The following DYRK3 variants were observed in gnomAD, a reference collection of about 807,000 sequenced individuals.
DYRK3 encodes the protein dual specificity tyrosine phosphorylation regulated kinase 3, also known as dual specificity tyrosine-phosphorylation-regulated kinase 3.
DYRK3 carries 30 observed loss-of-function variants against 40.8 expected under a neutral mutation model. The ratio of observed to expected loss-of-function variants is 0.74; its 90% CI spans 0.55 to 1.00. DYRK3 has a LOEUF of 1.00. Ranked by LOEUF, DYRK3 falls within the 50% of genes least tolerant of loss-of-function variation. DYRK3 has a pLI of 0.00. For missense variants in DYRK3, 699 were observed against 731.5 expected, an observed-to-expected ratio of 0.96 and a Z score of 0.51; for synonymous variants, 272 against 260.7, an observed-to-expected ratio of 1.04 and a Z score of -0.42.
intron 2 of DYRK3, among the ~76,000 whole-genome samples, chr1:206,639,465 ATTTTT>A (rs11400833): frequency 8.4e-6 from 1 of 118,538 alleles, no homozygotes; most frequent in African/African-American, 3.3e-5. Flanking sequence ...ATTTTAACTG[ATTTTT>A]TTTTTTTTTT....
At chr1:206,647,239 A>C (rs1397760492) in intron 2 of DYRK3, 149 bp from the exon 3 acceptor site, 1 of 784,668 alleles carries the variant, frequency 1.3e-6, no homozygotes, top group Non-Finnish European at 2.0e-6. Context: ...GTTGCTAGAG[A>C]CTCTTGCTTT....
At position 206,649,099 on chromosome 1, in the gene DYRK3, T is replaced by G; in HGVS notation, c.*134T>G. On this transcript the variant is annotated 3_prime_UTR_variant, in exon 3 of 3. Coordinates refer to ENST00000367109, the MANE Select transcript of DYRK3 (RefSeq NM_003582.4). ...TTTTTTTAAACAAGACAAAACATTT[T>G]TATATGATTATAAAAGAATTCTTCA... is the stretch of plus-strand genomic sequence containing the variant. 2 of 930,126 alleles carry G rather than the reference T, an allele frequency of 2.2e-6. No homozygotes were observed. Among genetic ancestry groups the G allele is most frequent in the Non-Finnish European group, 3.1e-6 (2 of 643,374 alleles). 57.6% of individuals were successfully genotyped at this position (930,126 alleles called of 1,614,324 possible). A position where few individuals can be genotyped will look rare whatever the true frequency, so the allele number is the denominator to read the frequency against.
chr1:206,635,808 G>C (rs1671087167), intron 1 of DYRK3, 28 bp downstream of exon 1: 1 of 1,244,548 alleles, frequency 8.0e-7, no homozygotes, highest in South Asian at 3.8e-5. Context: ...TAACGGGCTG[G>C]AGGCGCCACA....
At position 206,652,993 on chromosome 1, in the gene DYRK3, A is replaced by G. The variant is rs1172659083; in HGVS notation, c.*4028A>G. On this transcript the variant is annotated 3_prime_UTR_variant, in exon 3 of 3. Coordinates refer to ENST00000367109, the MANE Select transcript of DYRK3 (RefSeq NM_003582.4). ...CGGTGAGAGTTGGGTTAGAATTTTTATTTCATTCCCCAAGTCATTTTTTCT... is the reference window on the plus strand; with the variant it reads ...CGGTGAGAGTTGGGTTAGAATTTTTGTTTCATTCCCCAAGTCATTTTTTCT... Among the ~76,000 whole-genome samples the G allele has an allele frequency of 3.9e-5, 6 of 152,152 alleles. No homozygotes were observed. Among genetic ancestry groups the G allele is most frequent in the Non-Finnish European group, 8.8e-5 (6 of 67,982 alleles).
rs1012330025 is a variant in DYRK3, at chr1:206,653,372, T to C, written c.*4407T>C. On this transcript the variant is annotated 3_prime_UTR_variant, in exon 3 of 3. Coordinates refer to ENST00000367109, the MANE Select transcript of DYRK3 (RefSeq NM_003582.4). ...CTAATCCACCTAATACCTGCTCATCTTCTAGTATTCTATCCTACCATCTAC... is the reference window on the plus strand; with the variant it reads ...CTAATCCACCTAATACCTGCTCATCCTCTAGTATTCTATCCTACCATCTAC... 6.6e-6 allele frequency among the ~76,000 whole-genome samples: 1 copy of C among 152,214 alleles called. No individual in the cohort carries two copies. The highest frequency in any genetic ancestry group is 1.5e-5 in the Non-Finnish European group (1 of 68,038).
rs1671079534 is a variant in DYRK3, at chr1:206,635,707, G to T, written c.4G>T (p.Gly2Ter). 2 of 1,247,250 alleles carry T rather than the reference G, an allele frequency of 1.6e-6. No homozygotes were observed. Among genetic ancestry groups the T allele is most frequent in the African/African-American group, 3.1e-5 (2 of 64,462 alleles). 77.3% of individuals were successfully genotyped at this position (1,247,250 alleles called of 1,614,324 possible). ...GCGCGGGGTCCCGAGCTAGGAGATG[G>T]GAGGCACAGCTCGTGGGCCTGGGCG... is the stretch of plus-strand genomic sequence containing the variant. M[G>*]GTARGPGRKD... Residue 2 changes from glycine to a stop codon, truncating the protein, a stop_gained, in exon 1 of 3, where the codon GGA becomes TGA. Transcript: ENST00000367109. LOFTEE classifies it high-confidence loss of function.
chr1:206,647,745 G>C lies in DYRK3; in HGVS notation c.547G>C (p.Gly183Arg), dbSNP rs1402356180. The C allele has an allele frequency of 8.7e-6, 14 of 1,613,960 alleles. No homozygotes were observed. Among genetic ancestry groups the C allele is most frequent in the Non-Finnish European group, 1.2e-5 (14 of 1,180,018 alleles). ...PNAKKRHGVI[G>R]GPNNGGYDDA... ...TGCCAAGAAAAGACATGGAGTTATT[G>C]GTGGTCCCAATAATGGAGGGTATGA... Residue 183 changes from glycine to arginine, a missense_variant, in exon 3 of 3, where the codon GGT becomes CGT. By Grantham distance (125) the Gly-to-Arg change is moderately radical (BLOSUM62 -2). Coordinates refer to ENST00000367109, the MANE Select transcript of DYRK3 (RefSeq NM_003582.4).
At position 206,648,291 on chromosome 1, in the gene DYRK3, A is replaced by G; in HGVS notation, c.1093A>G (p.Lys365Glu). 6.2e-7 allele frequency: 1 copy of G among 1,612,702 alleles called. No individual in the cohort carries two copies. The highest frequency in any genetic ancestry group is 1.1e-5 in the South Asian group (1 of 90,996). Residue 365 changes from lysine (K) to glutamate (E), a missense_variant, in exon 3 of 3, where the codon AAG becomes GAG. Transcript: ENST00000367109. Reference protein sequence around the residue: ...DFGSSCFEYQKLYTYIQSRFY... With the variant: ...DFGSSCFEYQELYTYIQSRFY... ...TGGGTCCAGCTGTTTCGAGTACCAG[A>G]AGCTCTACACATATATCCAGTCTCG...
chr1:206,650,031 T>C lies in DYRK3; in HGVS notation c.*1066T>C, dbSNP rs181956276. On this transcript the variant is annotated 3_prime_UTR_variant, in exon 3 of 3. Transcript: ENST00000367109. The stretch of plus-strand genomic sequence containing the variant: ...CTAAAAATCCAGAAACTGGTGATAA[T>C]CAAGTTTTCCCTTTTTATGTTTCTT... Among the ~76,000 whole-genome samples the C allele has an allele frequency of 1.3e-4, 20 of 152,366 alleles. No homozygotes were observed. In the East Asian group the frequency reaches 3.9e-3, roughly 29 times the overall value.
chr1:206,646,925 C>T (rs1671470956), intron 2 of DYRK3, among the ~76,000 whole-genome samples: 1 of 152,182 alleles, frequency 6.6e-6, no homozygotes, highest in Non-Finnish European at 1.5e-5. Flanking sequence ...ATATATTATA[C>T]ATAATCAAGT....
Position 206,653,395 on chromosome 1 carries a change from T to C in DYRK3, c.*4430T>C, listed in dbSNP as rs1283691845. On this transcript the variant is annotated 3_prime_UTR_variant, in exon 3 of 3. Coordinates refer to ENST00000367109, the MANE Select transcript of DYRK3 (RefSeq NM_003582.4). Reference sequence around the variant, plus strand: ...TCTTCTAGTATTCTATCCTACCATCTACCCTCAGAGTTATTGATGTACTCT... The same window carrying C: ...TCTTCTAGTATTCTATCCTACCATCCACCCTCAGAGTTATTGATGTACTCT... Among the ~76,000 whole-genome samples, 6 of 152,218 alleles carry C rather than the reference T, an allele frequency of 3.9e-5. No homozygotes were observed. Among genetic ancestry groups the C allele is most frequent in the African/African-American group, 7.2e-5 (3 of 41,444 alleles).
Position 206,647,929 on chromosome 1 carries a change from A to G in DYRK3, c.731A>G (p.Lys244Arg). The change falls in exon 3 of 3, where the codon AAG becomes AGG. Residue 244 changes from lysine to arginine, a missense_variant. Physicochemically the swap from Lys to Arg is conservative, Grantham distance 26. Coordinates refer to ENST00000367109, the MANE Select transcript of DYRK3 (RefSeq NM_003582.4). ...GCCCTAAAAATGGTGCGCAATGAGAAGCGCTTTCATCGTCAAGCAGCTGAG... is the reference window on the plus strand; with the variant it reads ...GCCCTAAAAATGGTGCGCAATGAGAGGCGCTTTCATCGTCAAGCAGCTGAG... Reference protein sequence around the residue: ...YVALKMVRNEKRFHRQAAEEI... With the variant: ...YVALKMVRNERRFHRQAAEEI... 2 of 1,614,056 alleles carry G rather than the reference A, an allele frequency of 1.2e-6. No individual in the cohort carries two copies. The highest frequency in any genetic ancestry group is 1.7e-6 in the Non-Finnish European group (2 of 1,180,014).
chr1:206,647,790 A>T lies in DYRK3; in HGVS notation c.592A>T (p.Ile198Phe). ...GTATGATGATGCAGATGGGGCCTAT[A>T]TTCATGTACCTCGAGACCATCTAGC... is the stretch of plus-strand genomic sequence containing the variant. ...GGYDDADGAY[I>F]HVPRDHLAYR... is the part of the protein sequence containing the mutation. The change falls in exon 3 of 3, where the codon ATT becomes TTT. Residue 198 changes from isoleucine to phenylalanine, a missense_variant. Ile to Phe is a conservative substitution (Grantham distance 21). Transcript: ENST00000367109. The T allele has an allele frequency of 1.2e-6, 2 of 1,614,174 alleles. No homozygotes were observed.
chr1:206,644,030 G>GGTTTTTTTTTTTTTTTT (rs1558557214), intron 2 of DYRK3, among the ~76,000 whole-genome samples: 1 of 88,072 alleles, frequency 1.1e-5, no homozygotes, highest in African/African-American at 3.9e-5. Flanking sequence ...GGGACCTACA[G>GGTTTTTTTTTTTTTTTT]CTTTTTTTTT....
rs377040250 is a variant in DYRK3 at position 206,647,541 on chromosome 1, G to A, written c.343G>A (p.Val115Ile). 1.2e-5 allele frequency: 20 copies of A among 1,613,996 alleles called. No individual in the cohort carries two copies. Among genetic ancestry groups the A allele is most frequent in the Non-Finnish European group, 1.4e-5 (17 of 1,180,028 alleles). The change falls in exon 3 of 3, where the codon GTT becomes ATT. Residue 115 changes from valine to isoleucine, a missense_variant. By Grantham distance (29) the Val-to-Ile change is conservative (BLOSUM62 3). Transcript: ENST00000367109. The part of the protein sequence containing the change: ...ISDSEKCSPT[V>I]SQGKSSDCLN... ...TGACTCTGAAAAATGCTCTCCTACT[G>A]TTTCTCAGGGTAAAAGTTCAGATTG...
chr1:206,636,112 G>C (rs1553418286), intron 1 of DYRK3: 2 of 1,375,900 alleles, frequency 1.5e-6, no homozygotes, highest in South Asian at 2.3e-5. Context: ...TATTAAAGGG[G>C]GGGAGCCCGG....
At position 206,653,303 on chromosome 1, in the gene DYRK3, C is replaced by T. The variant is rs533068045; in HGVS notation, c.*4338C>T. ...AAAGTGCTGGGATTATAGGTGTGAG[C>T]GACCGTGCCCAGCCTCATTTTTTCT... is the stretch of plus-strand genomic sequence containing the variant. On this transcript the variant is annotated 3_prime_UTR_variant, in exon 3 of 3. Coordinates refer to ENST00000367109, the MANE Select transcript of DYRK3 (RefSeq NM_003582.4). Among the ~76,000 whole-genome samples, 67 of 152,212 alleles carry T rather than the reference C, an allele frequency of 4.4e-4. No individual in the cohort carries two copies. Among genetic ancestry groups the T allele is most frequent in the African/African-American group, 1.4e-3 (60 of 41,534 alleles).
chr1:206,647,399 G>C lies in DYRK3; in HGVS notation c.201G>C (p.Glu67Asp). 1 of 1,599,856 alleles carries C rather than the reference G, an allele frequency of 6.3e-7. No homozygotes were observed. Among genetic ancestry groups the C allele is most frequent in the South Asian group, 1.1e-5 (1 of 88,856 alleles). Reference sequence around the variant, plus strand: ...TTTCTCTTTCATAGATGACCACTGAGCAGTTTACAGGAGATCATACTCAGC... The same window carrying C: ...TTTCTCTTTCATAGATGACCACTGACCAGTTTACAGGAGATCATACTCAGC... ...PPPRRLNMTT[E>D]QFTGDHTQHF... is the part of the protein sequence containing the mutation. The change falls in exon 3 of 3, where the codon GAG becomes GAC. Residue 67 changes from glutamate (E) to aspartate (D), a missense_variant. Coordinates refer to ENST00000367109, the MANE Select transcript of DYRK3 (RefSeq NM_003582.4).
At position 206,639,934 on chromosome 1, in the gene DYRK3, T is replaced by C. The variant is rs1041568315; in HGVS notation, c.189+2173T>C. On this transcript the variant is annotated intron_variant, in intron 2 of 2. Transcript: ENST00000367109. ...TCTTACTCATTACTCATTTCTTTTTTTTTTTTTTTTTTTTTTTTGAGACCG... is the reference window on the plus strand; with the variant it reads ...TCTTACTCATTACTCATTTCTTTTTCTTTTTTTTTTTTTTTTTTGAGACCG... 7.9e-3 allele frequency among the ~76,000 whole-genome samples: 1,126 copies of C among 142,690 alleles called. 11 individuals are homozygous for C. Among genetic ancestry groups the C allele is most frequent in the African/African-American group, 0.028 (1,069 of 38,354 alleles). The allele number at this position is 142,690 out of a possible 152,430, so 93.6% of individuals were successfully genotyped here. A position where few individuals can be genotyped will look rare whatever the true frequency, so the allele number is the denominator to read the frequency against.
Sources: gnomAD v4.1 joint callset for allele counts (sites outside exome capture counted in the v4.1 genomes callset) on GRCh38, gnomAD v4.1.1 for gene constraint, MANE v1.5 for transcripts, NCBI Gene and HGNC (gene_info 2026-07-23, HGNC 2026-07-21) for gene names.